PROX1: variants seen among roughly 807,000 people sequenced by gnomAD.
The protein encoded by PROX1 is prospero homeobox 1, also known as prospero homeobox protein 1.
In PROX1, 7 loss-of-function variants were observed where a neutral mutation model predicts 58.8. The observed-to-expected ratio is 0.12, with a 90% CI of 0.07 to 0.22. The LOEUF (loss-of-function observed/expected upper bound fraction) is 0.22. Among genes scored for constraint, PROX1 ranks in the 10% least tolerant of loss-of-function variants. PROX1 has a pLI of 1.00. For synonymous variants in PROX1, 350 were observed against 358.3 expected, an observed-to-expected ratio of 0.98 and a Z score of 0.26; for missense variants, 675 against 927.8, an observed-to-expected ratio of 0.73 and a Z score of 3.54.
At chr1:213,990,659 C>CGTGTGTGTGTGT (rs71165944) in intron 1 of PROX1, among the ~76,000 whole-genome samples, 231 of 136,004 alleles carry the variant, frequency 1.7e-3, no homozygotes, top group Non-Finnish European at 2.5e-3. Flanking sequence ...AGAGAACTGT[C>CGTGTGTGTGTGT]GTGTGTGTGT....
At chr1:214,031,543 G>A (rs1231801546) in intron 4 of PROX1, among the ~76,000 whole-genome samples, 2 of 152,048 alleles carry the variant, frequency 1.3e-5, no homozygotes, top group Non-Finnish European at 2.9e-5. Context: ...TTGATTGACT[G>A]TTACCACCTG....
At chr1:214,034,675 A>AAC (rs151165479) in intron 4 of PROX1, among the ~76,000 whole-genome samples, 6,977 of 151,358 alleles carry the variant, frequency 0.046, 272 homozygotes, top group African/African-American at 0.1. Context: ...TAATTAAGAG[A>AAC]ACACACACAC....
At chr1:214,003,484 G>A (rs1663596876) in intron 2 of PROX1, among the ~76,000 whole-genome samples, 1 of 152,170 alleles carries the variant, frequency 6.6e-6, no homozygotes, top group African/African-American at 2.4e-5. Context: ...GGGCCTTTCA[G>A]CCCTCTCCTT....
Position 214,037,440 on chromosome 1 carries a change from G to T in PROX1, c.*1606G>T, listed in dbSNP as rs1030482806. The T allele has an allele frequency of 2.0e-5, 3 of 152,130 alleles. No individual in the cohort carries two copies. The highest frequency in any genetic ancestry group is 2.1e-4 in the South Asian group (1 of 4,824). The allele number at this position is 152,130 out of a possible 1,614,324, so 9.4% of individuals were successfully genotyped here. On this transcript the variant is annotated 3_prime_UTR_variant, in exon 5 of 5. Transcript: ENST00000366958. The stretch of plus-strand genomic sequence containing the variant: ...ATTACATTTGACTTTGGAGAATACA[G>T]GTCTTGACCCATGTGACTGACTAGC...
intron 4 of PROX1, among the ~76,000 whole-genome samples, chr1:214,032,369 C>T (rs1664685926): frequency 1.3e-5 from 2 of 152,098 alleles, no homozygotes; most frequent in South Asian, 4.2e-4. Context: ...TTGAATTCTA[C>T]CTTACTTTAC....
At chr1:214,029,594 C>T (rs1393924681) in intron 4 of PROX1, 1 of 152,182 alleles carries the variant, frequency 6.6e-6, no homozygotes, top group Non-Finnish European at 1.5e-5. Flanking sequence ...CAAAAAGTAA[C>T]TTTCTCCAAT....
Position 213,996,898 on chromosome 1 carries a change from C to T in PROX1, c.363C>T (p.Ser121=), listed in dbSNP as rs756143106. The T allele has an allele frequency of 6.2e-7, 1 of 1,614,026 alleles. No individual in the cohort carries two copies. The part of the protein sequence containing the change: ...FQASGLSSTG[S]EVHQEDICSN... ...CCAGCGGTCTCTCTAGTACAGGCTC[C>T]GAAGTACATCAGGAGGATATATGCA... is the stretch of plus-strand genomic sequence containing the variant. The change falls in exon 2 of 5, where the codon TCC becomes TCT. Residue 121 remains serine (S), a synonymous_variant. Coordinates refer to ENST00000366958, the MANE Select transcript of PROX1 (RefSeq NM_001270616.2).
At chr1:214,018,986 C>T (rs938747316) in intron 4 of PROX1, among the ~76,000 whole-genome samples, 3 of 152,164 alleles carry the variant, frequency 2.0e-5, no homozygotes, top group Non-Finnish European at 2.9e-5. Flanking sequence ...CTTTGTGCTA[C>T]AAGCTCTTCT....
Position 214,039,317 on chromosome 1 carries a change from T to A in PROX1, c.*3483T>A, listed in dbSNP as rs1664929523. The A allele has an allele frequency of 1.3e-5, 2 of 152,190 alleles. No homozygotes were observed. Among genetic ancestry groups the A allele is most frequent in the South Asian group, 4.1e-4 (2 of 4,832 alleles). 9.4% of individuals were successfully genotyped at this position (152,190 alleles called of 1,614,324 possible). On this transcript the variant is annotated 3_prime_UTR_variant, in exon 5 of 5. Coordinates refer to ENST00000366958, the MANE Select transcript of PROX1 (RefSeq NM_001270616.2). Reference sequence around the variant, plus strand: ...TGTTAGAATGTAGTAATTATTTAAGTAAACGTTCACCCACATATTCCTGAA... The same window carrying A: ...TGTTAGAATGTAGTAATTATTTAAGAAAACGTTCACCCACATATTCCTGAA...
At chr1:214,006,424 T>A (rs1482314497) in intron 3 of PROX1, among the ~76,000 whole-genome samples, 3 of 152,224 alleles carry the variant, frequency 2.0e-5, no homozygotes, top group Non-Finnish European at 4.4e-5. Context: ...TTTATCTTTC[T>A]CCTTCCCTGG....
intron 4 of PROX1, among the ~76,000 whole-genome samples, chr1:214,024,796 A>T (rs975905329): frequency 5.9e-5 from 9 of 152,172 alleles, no homozygotes; most frequent in Non-Finnish European, 1.0e-4. Flanking sequence ...TTCATGCAAT[A>T]TTGGAGTGTT....
rs1663281351 is a variant in PROX1, at chr1:213,996,788, A to G, written c.253A>G (p.Met85Val). Reference sequence around the variant, plus strand: ...GGCGAACTCGTATGAAGATGCCATGATGCCTTTTCCAGGAGCAACCATAAT... The same window carrying G: ...GGCGAACTCGTATGAAGATGCCATGGTGCCTTTTCCAGGAGCAACCATAAT... Reference protein sequence around the residue: ...KRANSYEDAMMPFPGATIISQ... With the variant: ...KRANSYEDAMVPFPGATIISQ... The change falls in exon 2 of 5, where the codon ATG (methionine) becomes GTG (valine). Residue 85 changes from methionine to valine, a missense_variant. Around this residue, in one of 8 missense-constraint regions of PROX1, gnomAD observed 157 missense variants for 197.8 expected, o/e 0.79. Coordinates refer to ENST00000366958, the MANE Select transcript of PROX1 (RefSeq NM_001270616.2). 6.2e-7 allele frequency: 1 copy of G among 1,614,196 alleles called. No homozygotes were observed. Among genetic ancestry groups the G allele is most frequent in the Admixed American group, 1.7e-5 (1 of 60,018 alleles).
chr1:214,017,413 T>A (rs1437965253), intron 4 of PROX1, among the ~76,000 whole-genome samples: 1 of 152,168 alleles, frequency 6.6e-6, no homozygotes, highest in Non-Finnish European at 1.5e-5. Context: ...TCTGACCTTA[T>A]CAGTTACTCC....
At chr1:214,031,939 A>G (rs1306774074) in intron 4 of PROX1, among the ~76,000 whole-genome samples, 1 of 152,220 alleles carries the variant, frequency 6.6e-6, no homozygotes, top group Non-Finnish European at 1.5e-5. Flanking sequence ...TTGCTCCAGT[A>G]GTTCAGTATC....
Position 214,037,243 on chromosome 1 carries a change from G to A in PROX1, c.*1409G>A, listed in dbSNP as rs1664857464. The A allele has an allele frequency of 6.6e-6, 1 of 152,044 alleles. No homozygotes were observed. The highest frequency in any genetic ancestry group is 1.5e-5 in the Non-Finnish European group (1 of 68,020). 9.4% of individuals were successfully genotyped at this position (152,044 alleles called of 1,614,324 possible). A position where few individuals can be genotyped will look rare whatever the true frequency, so the allele number is the denominator to read the frequency against. On this transcript the variant is annotated 3_prime_UTR_variant, in exon 5 of 5. Coordinates refer to ENST00000366958, the MANE Select transcript of PROX1 (RefSeq NM_001270616.2). ...CATTCACACTTTTTTTCTTAGGTGG[G>A]TTTTTGTGTCCAGATGCAGTAAGAA...
intron 4 of PROX1, among the ~76,000 whole-genome samples, chr1:214,033,002 A>G (rs1349790034): frequency 6.6e-6 from 1 of 151,866 alleles, no homozygotes; most frequent in East Asian, 1.9e-4. Context: ...CTACAACTAC[A>G]CTTCCCTCCC....
At position 214,039,765 on chromosome 1, in the gene PROX1, G is replaced by A. The variant is rs896080210; in HGVS notation, c.*3931G>A. ...CTATGTACATGAAGACATTTAGTAA[G>A]TAACACCCCCCCTTCCCATGCGCAC... On this transcript the variant is annotated 3_prime_UTR_variant, in exon 5 of 5. Coordinates refer to ENST00000366958, the MANE Select transcript of PROX1 (RefSeq NM_001270616.2). The A allele has an allele frequency of 6.6e-6, 1 of 151,500 alleles. No homozygotes were observed. The highest frequency in any genetic ancestry group is 1.5e-5 in the Non-Finnish European group (1 of 67,944). The allele number at this position is 151,500 out of a possible 1,614,324, so 9.4% of individuals were successfully genotyped here. A position where few individuals can be genotyped will look rare whatever the true frequency, so the allele number is the denominator to read the frequency against.
chr1:213,996,376 C>T, intron 1 of PROX1, 93 bp from the exon 2 acceptor site: 1 of 747,608 alleles, frequency 1.3e-6, no homozygotes, highest in Non-Finnish European at 2.1e-6. Flanking sequence ...ATCCCAGAGC[C>T]TATGCATTTT....
rs147839309 is a variant in PROX1 at position 213,996,906 on chromosome 1, A to T, written c.371A>T (p.His124Leu). 1.2e-6 allele frequency: 2 copies of T among 1,614,156 alleles called. No homozygotes were observed. The highest frequency in any genetic ancestry group is 2.2e-5 in the South Asian group (2 of 91,072). ...CTCTCTAGTACAGGCTCCGAAGTAC[A>T]TCAGGAGGATATATGCAGCAACTCT... ...SGLSSTGSEV[H>L]QEDICSNSSR... The change falls in exon 2 of 5, where the codon CAT becomes CTT. Residue 124 changes from histidine (H) to leucine (L), a missense_variant. This residue lies in a region of PROX1 where 157 missense variants were observed against 197.8 expected (regional missense o/e 0.79). Coordinates refer to ENST00000366958, the MANE Select transcript of PROX1 (RefSeq NM_001270616.2).
Sources: gnomAD v4.1 joint callset for allele counts (sites outside exome capture counted in the v4.1 genomes callset) on GRCh38, gnomAD v4.1.1 for gene constraint, gnomAD v4.1.1 regional missense constraint, MANE v1.5 for transcripts, NCBI Gene and HGNC (gene_info 2026-07-23, HGNC 2026-07-21) for gene names.